The following FUBP1 variants were observed in gnomAD, a reference collection of about 807,000 sequenced individuals.
FUBP1 encodes the protein far upstream element-binding protein 1.
A neutral mutation model predicts 94.9 loss-of-function variants in FUBP1; 16 were observed. The observed-to-expected ratio is 0.17, with a 90% CI of 0.11 to 0.26. The LOEUF is 0.26. Among genes scored for constraint, FUBP1 ranks in the 10% least tolerant of loss-of-function variants. The probability of loss-of-function intolerance (pLI) is 1.00; values close to 1 mark genes in which losing one functional copy is unlikely to be tolerated. For missense variants in FUBP1, 583 were observed against 808.6 expected, an observed-to-expected ratio of 0.72 and a Z score of 3.38; for synonymous variants, 279 against 254.9, an observed-to-expected ratio of 1.09 and a Z score of -0.90.
intron 1 of FUBP1, among the ~76,000 whole-genome samples, chr1:77,976,921 T>G (rs1182734547): frequency 6.6e-6 from 1 of 152,204 alleles, no homozygotes; most frequent in Non-Finnish European, 1.5e-5. Context: ...TCTGGGTCCT[T>G]GCCATTCCCT....
chr1:77,947,294 T>TATTATTCTATGTTAA lies in FUBP1; in HGVS notation c.*1457_*1471dup, dbSNP rs1652367290. On this transcript the variant is annotated 3_prime_UTR_variant, in exon 20 of 20. Coordinates refer to ENST00000370768, the MANE Select transcript of FUBP1 (RefSeq NM_003902.5). ...ACTTTAAAAAAAATACAGAACTATGTATTATTCTATGTTAAATTAAGAGGC... is the reference window on the plus strand; with the variant it reads ...ACTTTAAAAAAAATACAGAACTATGTATTATTCTATGTTAAATTATTCTATGTTAAATTAAGAGGC... 1 of 361,964 alleles carries TATTATTCTATGTTAA rather than the reference T, an allele frequency of 2.8e-6. No individual in the cohort carries two copies. The highest frequency in any genetic ancestry group is 2.1e-5 in the African/African-American group (1 of 48,654). 22.4% of individuals were successfully genotyped at this position (361,964 alleles called of 1,614,324 possible). A position where few individuals can be genotyped will look rare whatever the true frequency, so the allele number is the denominator to read the frequency against.
At chr1:77,971,720 C>T (rs1193327329) in intron 1 of FUBP1, among the ~76,000 whole-genome samples, 3 of 150,650 alleles carry the variant, frequency 2.0e-5, no homozygotes, top group Non-Finnish European at 4.4e-5. Flanking sequence ...AAAAAAGGTA[C>T]ACTCTCAGCC....
At position 77,945,009 on chromosome 1, in the gene FUBP1, C is replaced by G. The variant is rs1298345951; in HGVS notation, c.*3757G>C. ...CAGTTCAGTTTCAATCTAAACTATA[C>G]ATTGTTTCTAACACTAATATCCAAT... On this transcript the variant is annotated 3_prime_UTR_variant, in exon 20 of 20. Coordinates refer to ENST00000370768, the MANE Select transcript of FUBP1 (RefSeq NM_003902.5). 6.6e-6 allele frequency among the ~76,000 whole-genome samples: 1 copy of G among 151,990 alleles called. No homozygotes were observed. Among genetic ancestry groups the G allele is most frequent in the Non-Finnish European group, 1.5e-5 (1 of 67,884 alleles).
intron 17 of FUBP1, among the ~76,000 whole-genome samples, chr1:77,955,611 T>A (rs1654296673): frequency 6.6e-6 from 1 of 152,192 alleles, no homozygotes; most frequent in Non-Finnish European, 1.5e-5. Context: ...GACACCAGGT[T>A]TCTCACGTTT....
intron 14 of FUBP1, 123 bp downstream of exon 14, chr1:77,962,647 C>A: frequency 1.8e-6 from 1 of 557,638 alleles, no homozygotes. Flanking sequence ...TTATACATAT[C>A]ATGAAATCTA....
At chr1:77,956,721 A>G (rs1654525233) in intron 16 of FUBP1, 21 bp from the exon 17 acceptor site, 1 of 1,601,844 alleles carries the variant, frequency 6.2e-7, no homozygotes, top group Non-Finnish European at 8.5e-7. Context: ...TGAAAGTTCA[A>G]GGTTTGCATG....
At chr1:77,953,997 T>C (rs1653985831) in intron 18 of FUBP1, among the ~76,000 whole-genome samples, 1 of 152,190 alleles carries the variant, frequency 6.6e-6, no homozygotes, top group Admixed American at 6.5e-5. Context: ...TTAGTGATTT[T>C]TAACCCAAAC....
Position 77,946,093 on chromosome 1 carries a change from A to G in FUBP1, c.*2673T>C, listed in dbSNP as rs1306060878. On this transcript the variant is annotated 3_prime_UTR_variant, in exon 20 of 20. Transcript: ENST00000370768. ...TAGTTTAAGAATAAGAAAAAAATAA[A>G]GAAATTATAATTTTGGAGGGCAAAG... Among the ~76,000 whole-genome samples, 5 of 151,982 alleles carry G rather than the reference A, an allele frequency of 3.3e-5. No individual in the cohort carries two copies. Among genetic ancestry groups the G allele is most frequent in the Non-Finnish European group, 7.4e-5 (5 of 67,902 alleles).
At chr1:77,972,004 C>CAA (rs60606700) in intron 1 of FUBP1, among the ~76,000 whole-genome samples, 29 of 84,114 alleles carry the variant, frequency 3.4e-4, no homozygotes, top group African/African-American at 5.2e-4. Flanking sequence ...GACTCTGTCT[C>CAA]AAAAAAAAAA....
intron 1 of FUBP1, among the ~76,000 whole-genome samples, chr1:77,971,126 C>G (rs1657456452): frequency 6.6e-6 from 1 of 151,838 alleles, no homozygotes; most frequent in Non-Finnish European, 1.5e-5. Context: ...CTGAATTTTT[C>G]TATAAAAGGA....
rs1446807773 is a variant in FUBP1 at position 77,979,066 on chromosome 1, A to G, written c.-62T>C. 2 of 1,481,138 alleles carry G rather than the reference A, an allele frequency of 1.4e-6. No individual in the cohort carries two copies. The highest frequency in any genetic ancestry group is 1.8e-6 in the Non-Finnish European group (2 of 1,103,480). 91.7% of individuals were successfully genotyped at this position (1,481,138 alleles called of 1,614,324 possible). A position where few individuals can be genotyped will look rare whatever the true frequency, so the allele number is the denominator to read the frequency against. On this transcript the variant is annotated 5_prime_UTR_variant, in exon 1 of 20. Coordinates refer to ENST00000370768, the MANE Select transcript of FUBP1 (RefSeq NM_003902.5). ...ACTTCCTCTCAGCTAACAGCTAAGA[A>G]AGAAAGAAAATGGCGGCCGTCGAAG...
chr1:77,957,116 T>C (rs1182599456), intron 16 of FUBP1, among the ~76,000 whole-genome samples: 1 of 152,174 alleles, frequency 6.6e-6, no homozygotes, highest in African/African-American at 2.4e-5. Context: ...GAAAGAAAAT[T>C]ATTTTAGAAC....
rs2102226991 is a variant in FUBP1, at chr1:77,948,560, C to T, written c.*206G>A. On this transcript the variant is annotated 3_prime_UTR_variant, in exon 20 of 20. Transcript: ENST00000370768. ...TCTACACTAAATACTAAAAACAAAC[C>T]AATTTTCATTTCTACACAGAAATAT... 7 of 1,294,472 alleles carry T rather than the reference C, an allele frequency of 5.4e-6. 1 individual carries two copies. The South Asian group carries it at 1.6e-4, about 29-fold the overall frequency. 80.2% of individuals were successfully genotyped at this position (1,294,472 alleles called of 1,614,324 possible). A position where few individuals can be genotyped will look rare whatever the true frequency, so the allele number is the denominator to read the frequency against.
At position 77,978,942 on chromosome 1, in the gene FUBP1, G is replaced by C; in HGVS notation, c.63C>G (p.Gly21=). ...CGTCGTTAACTCCTCCACCACCACCGCCGCCACCACCGCCACCAGCTGAGC... is the reference window on the plus strand; with the variant it reads ...CGTCGTTAACTCCTCCACCACCACCCCCGCCACCACCGCCACCAGCTGAGC... The part of the protein sequence containing the change: ...SSGSAGGGGG[G]GGGGGVNDAF... Residue 21 remains glycine (G), a synonymous_variant, in exon 1 of 20, where the codon GGC becomes GGG. Transcript: ENST00000370768. 6.3e-7 allele frequency: 1 copy of C among 1,598,914 alleles called. No homozygotes were observed. The highest frequency in any genetic ancestry group is 8.6e-7 in the Non-Finnish European group (1 of 1,167,534).
intron 18 of FUBP1, among the ~76,000 whole-genome samples, chr1:77,950,727 C>T (rs1653293316): frequency 6.6e-6 from 1 of 152,038 alleles, no homozygotes; most frequent in Non-Finnish European, 1.5e-5. Context: ...AAATAACTAC[C>T]ATAGACAAAA....
At chr1:77,972,185 T>G (rs747135060) in intron 1 of FUBP1, among the ~76,000 whole-genome samples, 29 of 152,104 alleles carry the variant, frequency 1.9e-4, no homozygotes, top group Non-Finnish European at 3.5e-4. Context: ...CACTTAGCAT[T>G]TGAATTGTTC....
intron 13 of FUBP1, 46 bp from the exon 14 acceptor site, chr1:77,962,976 C>G: frequency 7.3e-7 from 1 of 1,375,410 alleles, no homozygotes; most frequent in Non-Finnish European, 1.0e-6. Context: ...CAAGGGTGTA[C>G]TAGGAGCTAT....
chr1:77,975,832 A>C (rs1409423501), intron 1 of FUBP1, among the ~76,000 whole-genome samples: 1 of 152,208 alleles, frequency 6.6e-6, no homozygotes, highest in Non-Finnish European at 1.5e-5. Flanking sequence ...TGTTGAATTT[A>C]GCTCAGGATA....
At chr1:77,978,594 T>C (rs757454249) in intron 1 of FUBP1, among the ~76,000 whole-genome samples, 2 of 152,214 alleles carry the variant, frequency 1.3e-5, no homozygotes, top group African/African-American at 2.4e-5. Context: ...AAGAGGATCT[T>C]TATCTAAACT....
Sources: gnomAD v4.1 joint callset for allele counts (sites outside exome capture counted in the v4.1 genomes callset) on GRCh38, gnomAD v4.1.1 for gene constraint, MANE v1.5 for transcripts, NCBI Gene and HGNC (gene_info 2026-07-23, HGNC 2026-07-21) for gene names.